Variants in PDE4D observed in about 807,000 individuals in gnomAD.
PDE4D encodes 3',5'-cyclic-AMP phosphodiesterase 4D.
Under a neutral mutation model 87.4 loss-of-function variants are expected in PDE4D, and 24 were observed. That is an observed-to-expected ratio of 0.27 (90% CI 0.20 to 0.39). PDE4D has a LOEUF of 0.39. Ranked by LOEUF, PDE4D falls within the 10% of genes least tolerant of loss-of-function variation. PDE4D has a pLI of 1.00. For synonymous variants in PDE4D, 384 were observed against 383.2 expected, an observed-to-expected ratio of 1.00 and a Z score of -0.02; for missense variants, 714 against 1,041.0, an observed-to-expected ratio of 0.69 and a Z score of 4.32.
chr5:60,470,162 G>A (rs533290567), intron 1 of PDE4D, among the ~76,000 whole-genome samples: 12 of 152,292 alleles, frequency 7.9e-5, no homozygotes, highest in African/African-American at 2.9e-4. Context: ...GGTCTGAATA[G>A]AAGATCAAAC....
At chr5:58,979,971 G>A (rs573301764) in intron 11 of PDE4D, among the ~76,000 whole-genome samples, 4 of 152,280 alleles carry the variant, frequency 2.6e-5, no homozygotes, top group African/African-American at 9.6e-5. Context: ...AACTTACAAA[G>A]TACAAACAGG....
chr5:59,887,020 A>G (rs1368322557), intron 1 of PDE4D, among the ~76,000 whole-genome samples: 1 of 152,066 alleles, frequency 6.6e-6, no homozygotes, highest in Non-Finnish European at 1.5e-5. Flanking sequence ...AAGTGCTGGA[A>G]CTAGGGAAGT....
chr5:59,430,200 ACCCTC>A, intron 1 of PDE4D: 2 of 1,110,102 alleles, frequency 1.8e-6, no homozygotes, highest in Non-Finnish European at 2.3e-6. Context: ...TCTCACCCTG[ACCCTC>A]CCATTTCAGC....
chr5:59,962,190 A>AT (rs531824782), intron 3 of PDE4D, among the ~76,000 whole-genome samples: 112 of 152,254 alleles, frequency 7.4e-4, no homozygotes, highest in Middle Eastern at 3.4e-3. Flanking sequence ...CATTGTAACA[A>AT]TTTTTTTCCA....
At chr5:59,079,348 A>C (rs919144302) in intron 5 of PDE4D, among the ~76,000 whole-genome samples, 1 of 152,226 alleles carries the variant, frequency 6.6e-6, no homozygotes, top group African/African-American at 2.4e-5. Flanking sequence ...GAAAATTAAG[A>C]AAAAGCATGC....
At chr5:59,644,547 T>C (rs534683798) in intron 1 of PDE4D, among the ~76,000 whole-genome samples, 4 of 152,330 alleles carry the variant, frequency 2.6e-5, no homozygotes, top group African/African-American at 9.6e-5. Context: ...CCCACAGTCA[T>C]GCTGCATTGC....
intron 1 of PDE4D, among the ~76,000 whole-genome samples, chr5:59,538,069 T>A (rs1010655120): frequency 6.6e-6 from 1 of 152,146 alleles, no homozygotes; most frequent in Admixed American, 6.5e-5. Context: ...AAATAATAGG[T>A]CTTGTTAGTT....
intron 2 of PDE4D, among the ~76,000 whole-genome samples, chr5:60,081,432 C>T (rs151334729): frequency 7.4e-4 from 112 of 151,418 alleles, no homozygotes; most frequent in African/African-American, 2.5e-3. Context: ...TTTCGGCTAG[C>T]TTTTGGATTA....
chr5:59,855,915 C>T (rs994499431), intron 1 of PDE4D, among the ~76,000 whole-genome samples: 2 of 152,074 alleles, frequency 1.3e-5, no homozygotes, highest in Non-Finnish European at 2.9e-5. Context: ...ACAAAAATTA[C>T]ATATGATGCA....
chr5:59,217,621 G>A (rs567329584), intron 1 of PDE4D, among the ~76,000 whole-genome samples: 4 of 152,214 alleles, frequency 2.6e-5, no homozygotes, highest in South Asian at 4.1e-4. Context: ...TTGTCAAGTC[G>A]AACAGACTCA....
At position 59,087,564 on chromosome 5, in the gene PDE4D, T is replaced by C. The variant is rs193008066; in HGVS notation, c.809-48593A>G. ...TAAATTGTGTCAAAATTGAAGAATA[T>C]AATAAACCCTAAGATTAATAGTCCT... On this transcript the variant is annotated intron_variant, in intron 5 of 14. Coordinates refer to ENST00000340635, the MANE Select transcript of PDE4D (RefSeq NM_001104631.2). Among the ~76,000 whole-genome samples, 45 of 152,264 alleles carry C rather than the reference T, an allele frequency of 3.0e-4. No homozygotes were observed. The East Asian group carries it at 8.3e-3, about 28-fold the overall frequency.
chr5:59,356,899 C>A, intron 1 of PDE4D: 2 of 1,485,736 alleles, frequency 1.3e-6, no homozygotes, highest in African/African-American at 1.4e-5. Context: ...AGAGCTGGTG[C>A]GGGGCTCTGG....
At chr5:60,158,521 C>A (rs1489278245) in intron 2 of PDE4D, among the ~76,000 whole-genome samples, 1 of 152,070 alleles carries the variant, frequency 6.6e-6, no homozygotes, top group Non-Finnish European at 1.5e-5. Context: ...CTAATGTAGA[C>A]TTTATAAACA....
At chr5:60,078,297 T>C (rs570861681) in intron 2 of PDE4D, among the ~76,000 whole-genome samples, 17 of 152,352 alleles carry the variant, frequency 1.1e-4, no homozygotes, top group Middle Eastern at 3.4e-3. Flanking sequence ...TCTTCTTTTC[T>C]AATATAGGTA....
chr5:59,179,907 T>C (rs543168151), intron 5 of PDE4D, among the ~76,000 whole-genome samples: 2 of 152,210 alleles, frequency 1.3e-5, no homozygotes, highest in South Asian at 2.1e-4. Context: ...AATGAGATCA[T>C]GCATTCTGTT....
Position 60,163,425 on chromosome 5 carries a change from G to T in PDE4D, c.42+22132C>A, listed in dbSNP as rs187687158. 3.9e-5 allele frequency among the ~76,000 whole-genome samples: 6 copies of T among 152,200 alleles called. No homozygotes were observed. In the East Asian group the frequency reaches 1.2e-3, roughly 29 times the overall value. On this transcript the variant is annotated intron_variant, in intron 2 of 16. Transcript: ENST00000502484. ...TCCTCTGAGCAACTTGGTTTCCAGA[G>T]CAGCTGTTTCCAGCAGTCTTTCCTC... is the stretch of plus-strand genomic sequence containing the variant.
At chr5:59,439,423 G>A (rs967899085) in intron 1 of PDE4D, among the ~76,000 whole-genome samples, 15 of 151,478 alleles carry the variant, frequency 9.9e-5, no homozygotes, top group Non-Finnish European at 1.8e-4. Context: ...GGGTCACAAT[G>A]CTGCGCTGCC....
At chr5:59,500,734 C>T (rs1808156811) in intron 1 of PDE4D, among the ~76,000 whole-genome samples, 2 of 152,082 alleles carry the variant, frequency 1.3e-5, no homozygotes, top group African/African-American at 4.8e-5. Context: ...CAAGCCTGCA[C>T]GTGTACTCCC....
At chr5:60,392,847 C>G (rs1263036693) in intron 1 of PDE4D, among the ~76,000 whole-genome samples, 2 of 152,172 alleles carry the variant, frequency 1.3e-5, no homozygotes, top group East Asian at 1.9e-4. Context: ...AGTTACCACT[C>G]TCATGATCAA....
Sources: allele counts gnomAD v4.1 joint callset (sites outside exome capture counted in the v4.1 genomes callset), GRCh38; gene constraint gnomAD v4.1.1; transcripts MANE v1.5; gene names NCBI Gene and HGNC (gene_info 2026-07-23, HGNC 2026-07-21).